Variants in ACYP2 observed in about 807,000 individuals in gnomAD.
The protein encoded by ACYP2 is acylphosphatase-2.
ACYP2 carries 12 observed loss-of-function variants against 11.2 expected under a neutral mutation model. The observed-to-expected ratio is 1.08, with a 90% confidence interval of 0.69 to 1.74. The LOEUF is 1.74. Ranked by LOEUF, ACYP2 falls within the 40% of genes most tolerant of loss-of-function variation. The pLI is 0.00. For synonymous variants in ACYP2, 43 were observed against 32.2 expected, an observed-to-expected ratio of 1.33 and a Z score of -1.13; for missense variants, 134 against 101.9, an observed-to-expected ratio of 1.31 and a Z score of -1.35.
chr2:54,103,528 A>G (rs559575701), intron 4 of ACYP2, among the ~76,000 whole-genome samples: 1 of 152,286 alleles, frequency 6.6e-6, no homozygotes, highest in South Asian at 2.1e-4. Flanking sequence ...TTTAAATTAC[A>G]CATAGATCCA....
intron 4 of ACYP2, among the ~76,000 whole-genome samples, chr2:54,117,927 C>T (rs1460568638): frequency 1.3e-5 from 2 of 152,172 alleles, no homozygotes; most frequent in East Asian, 3.8e-4. Flanking sequence ...CCGTCCTACC[C>T]TTTCCCCCCT....
At chr2:54,078,411 C>CATATATATATATATAT (rs56411409) in intron 4 of ACYP2, among the ~76,000 whole-genome samples, 147 of 144,556 alleles carry the variant, frequency 1.0e-3, no homozygotes, top group African/African-American at 3.6e-3. Context: ...ATATGCGTAC[C>CATATATATATATATAT]ATATATGGTA....
intron 2 of ACYP2, among the ~76,000 whole-genome samples, chr2:54,015,330 G>C (rs1673619783): frequency 6.6e-6 from 1 of 151,964 alleles, no homozygotes; most frequent in Non-Finnish European, 1.5e-5. Context: ...TGATCATGGA[G>C]AAACCCTGTC....
intron 6 of ACYP2, among the ~76,000 whole-genome samples, chr2:54,168,967 T>C (rs1209395309): frequency 6.6e-6 from 1 of 152,248 alleles, no homozygotes; most frequent in East Asian, 1.9e-4. Flanking sequence ...AGCTTTATTT[T>C]TGGCGTCATT....
intron 6 of ACYP2, 42 bp downstream of exon 3, chr2:54,138,790 G>T: frequency 6.5e-7 from 1 of 1,546,198 alleles, no homozygotes; most frequent in South Asian, 1.1e-5. Context: ...AATTTATGAG[G>T]CTGCTGTTTT....
intron 6 of ACYP2, chr2:54,143,076 A>T (rs909633414): frequency 6.6e-6 from 1 of 152,166 alleles, no homozygotes; most frequent in Admixed American, 6.5e-5. Context: ...ACTATAGTCT[A>T]TTGGGTTTTT....
chr2:54,162,169 T>G (rs1266426797), intron 6 of ACYP2, among the ~76,000 whole-genome samples: 1 of 152,172 alleles, frequency 6.6e-6, no homozygotes, highest in African/African-American at 2.4e-5. Flanking sequence ...GTTTCCCATG[T>G]TTATTGTTTG....
intron 6 of ACYP2, among the ~76,000 whole-genome samples, chr2:54,257,937 G>A (rs984673757): frequency 4.6e-5 from 7 of 152,150 alleles, no homozygotes; most frequent in South Asian, 2.1e-4. Flanking sequence ...ATTTTGAGGC[G>A]ACTGCTACCA....
chr2:54,054,969 G>A (rs938746488), intron 3 of ACYP2, among the ~76,000 whole-genome samples: 3 of 152,128 alleles, frequency 2.0e-5, no homozygotes, highest in Non-Finnish European at 4.4e-5. Context: ...CTGGCTTTAC[G>A]TAAATATTTA....
At chr2:54,227,734 G>A (rs1004579597) in intron 6 of ACYP2, among the ~76,000 whole-genome samples, 3 of 152,070 alleles carry the variant, frequency 2.0e-5, no homozygotes, top group Non-Finnish European at 4.4e-5. Context: ...AATACTTTAA[G>A]GCTTTATTAA....
At chr2:54,172,789 A>G (rs1335715682) in intron 6 of ACYP2, among the ~76,000 whole-genome samples, 1 of 152,074 alleles carries the variant, frequency 6.6e-6, no homozygotes, top group East Asian at 1.9e-4. Flanking sequence ...GAGTGAGAAC[A>G]TGTGGTGTTT....
chr2:54,159,835 C>T (rs1682628524), intron 6 of ACYP2, among the ~76,000 whole-genome samples: 1 of 152,140 alleles, frequency 6.6e-6, no homozygotes, highest in African/African-American at 2.4e-5. Flanking sequence ...CTGTCCTCTG[C>T]CACAAGTGCT....
rs113812452 is a variant in ACYP2, at chr2:54,040,551, G to T, written c.63-10407G>T. Among the ~76,000 whole-genome samples, 1,391 of 152,242 alleles carry T rather than the reference G, an allele frequency of 9.1e-3. 7 individuals are homozygous for T. Among genetic ancestry groups the T allele is most frequent in the Non-Finnish European group, 0.014 (977 of 68,012 alleles). On this transcript the variant is annotated intron_variant, in intron 2 of 6. Transcript: ENST00000607452. ...TGAATCTTGGGATGCTCCAAGTTTT[G>T]GAGGTCAGAGAGATGAACAGGACCT...
At chr2:54,094,350 A>C (rs1290243422) in intron 4 of ACYP2, among the ~76,000 whole-genome samples, 1 of 148,690 alleles carries the variant, frequency 6.7e-6, no homozygotes. Flanking sequence ...GCCTCAGCCT[A>C]CCAAATAGCT....
At chr2:54,175,465 T>C (rs1455671092) in intron 6 of ACYP2, among the ~76,000 whole-genome samples, 1 of 152,088 alleles carries the variant, frequency 6.6e-6, no homozygotes, top group Non-Finnish European at 1.5e-5. Context: ...ATTTTGTTGA[T>C]CTTTTCAAAA....
intron 4 of ACYP2, among the ~76,000 whole-genome samples, chr2:54,098,967 G>C (rs567006902): frequency 5.3e-5 from 8 of 152,216 alleles, no homozygotes; most frequent in African/African-American, 1.9e-4. Flanking sequence ...GAGCTCAACA[G>C]ATCTTCCTGT....
intron 4 of ACYP2, among the ~76,000 whole-genome samples, chr2:54,088,813 A>G (rs1678078851): frequency 6.6e-6 from 1 of 152,202 alleles, no homozygotes; most frequent in Non-Finnish European, 1.5e-5. Context: ...GGTTATTCCC[A>G]CTTAGTATAT....
In ACYP2 at chr2:54,186,068, C is replaced by T. The variant is rs114535902; in HGVS notation, c.404+47320C>T. On this transcript the variant is annotated intron_variant, in intron 6 of 6. Coordinates refer to ENST00000607452, the MANE Select transcript of ACYP2 (RefSeq NM_001320586.2). ...AAAAACATTGATCTGCAAATGCATG[C>T]GAAATGTTTAATATCCCTAGTAGTT... Among the ~76,000 whole-genome samples the T allele has an allele frequency of 6.6e-3, 997 of 151,976 alleles. 13 individuals carry two copies. Among genetic ancestry groups the T allele is most frequent in the African/African-American group, 0.022 (927 of 41,470 alleles).
intron 4 of ACYP2, among the ~76,000 whole-genome samples, chr2:54,124,577 T>C (rs149985232): frequency 5.1e-4 from 78 of 152,288 alleles, no homozygotes; most frequent in African/African-American, 1.7e-3. Context: ...GTGACACTTT[T>C]ATTATCCACC....
Sources: gnomAD v4.1 joint callset for allele counts (sites outside exome capture counted in the v4.1 genomes callset) on GRCh38, gnomAD v4.1.1 for gene constraint, MANE v1.5 for transcripts, NCBI Gene and HGNC (gene_info 2026-07-23, HGNC 2026-07-21) for gene names.